The following SEL1L3 variants were observed in gnomAD, a reference collection of about 807,000 sequenced individuals.
SEL1L3 encodes the protein SEL1L family member 3, also known as protein sel-1 homolog 3.
In SEL1L3, 76 loss-of-function variants were observed where a neutral mutation model predicts 142.8. That is an observed-to-expected ratio of 0.53 (90% CI 0.44 to 0.64). The LOEUF (loss-of-function observed/expected upper bound fraction) is 0.64. SEL1L3 is among the 30% of genes least tolerant of loss of function. The pLI is 0.00. For missense variants in SEL1L3, 1,262 were observed against 1,381.7 expected (o/e 0.91, Z 1.37); for synonymous variants, 504 against 519.6 (o/e 0.97, Z 0.41).
intron 6 of SEL1L3, among the ~76,000 whole-genome samples, chr4:25,823,997 C>A (rs771234331): frequency 2.0e-5 from 3 of 152,166 alleles, no homozygotes; most frequent in South Asian, 2.1e-4. Flanking sequence ...CAACATCGAA[C>A]GTCTAGAGAT....
chr4:25,718,227 A>C, the SEL1L3 span: 2 of 152,206 alleles, frequency 1.3e-5, no homozygotes, highest in Non-Finnish European at 2.9e-5. Flanking sequence ...CTTGATTAGC[A>C]TATACAGGGA....
At position 25,783,501 on chromosome 4, in the gene SEL1L3, A is replaced by G. The variant is rs75469885; in HGVS notation, c.2280+727T>C. Among the ~76,000 whole-genome samples the G allele has an allele frequency of 8.7e-3, 1,319 of 152,362 alleles. 20 individuals carry two copies. The highest frequency in any genetic ancestry group is 0.03 in the African/African-American group (1,267 of 41,586). The stretch of plus-strand genomic sequence containing the variant: ...ACATCCAGCTGCCAAAAGGGCTACA[A>G]GGTGCCTTGTCTAGGTGTAGATTTA... On this transcript the variant is annotated intron_variant, in intron 14 of 23. Coordinates refer to ENST00000399878, the MANE Select transcript of SEL1L3 (RefSeq NM_015187.5).
At chr4:25,759,724 G>A (rs1182852506) in intron 20 of SEL1L3, 2 of 152,258 alleles carry the variant, frequency 1.3e-5, no homozygotes, top group Non-Finnish European at 2.9e-5. Context: ...CACAGTTAGA[G>A]GGCCCGACCA....
At chr4:25,829,517 T>C (rs1420235812) in intron 6 of SEL1L3, among the ~76,000 whole-genome samples, 1 of 152,202 alleles carries the variant, frequency 6.6e-6, no homozygotes, top group East Asian at 1.9e-4. Context: ...CCCATGGTTC[T>C]GACACTATAA....
the SEL1L3 span, among the ~76,000 whole-genome samples, chr4:25,729,625 A>G: frequency 6.6e-6 from 1 of 152,192 alleles, no homozygotes; most frequent in East Asian, 1.9e-4. Flanking sequence ...GAGGCAGGAG[A>G]ATCGCTGGAA....
Position 25,802,384 on chromosome 4 carries a change from C to A in SEL1L3, c.1855G>T (p.Gly619Cys). 2 of 1,613,810 alleles carry A rather than the reference C, an allele frequency of 1.2e-6. No individual in the cohort carries two copies. The highest frequency in any genetic ancestry group is 1.7e-6 in the Non-Finnish European group (2 of 1,179,818). Residue 619 changes from glycine to cysteine, a missense_variant, in exon 11 of 24, where the codon GGT (glycine) becomes TGT (cysteine). Transcript: ENST00000399878. ...SMNLGYKHYQGIDNYPLDWEL... is the reference protein window; with the variant it reads ...SMNLGYKHYQCIDNYPLDWEL... ...CAGTCCAGGGGGTAGTTGTCAATAC[C>A]CTGGTAGTGTTTATACCCAAGATTC...
intron 1 of SEL1L3, among the ~76,000 whole-genome samples, chr4:25,860,809 A>G (rs1287587777): frequency 6.6e-6 from 1 of 152,180 alleles, no homozygotes; most frequent in Non-Finnish European, 1.5e-5. Flanking sequence ...TCCACATCAC[A>G]GTATTTTCTA....
intron 9 of SEL1L3, among the ~76,000 whole-genome samples, chr4:25,805,347 T>G (rs890474011): frequency 6.6e-6 from 1 of 152,180 alleles, no homozygotes; most frequent in Non-Finnish European, 1.5e-5. Flanking sequence ...TCGGTACTAT[T>G]TTCAGCATCC....
At chr4:25,816,785 G>A (rs921505216) in intron 9 of SEL1L3, among the ~76,000 whole-genome samples, 2 of 152,110 alleles carry the variant, frequency 1.3e-5, no homozygotes, top group African/African-American at 4.8e-5. Flanking sequence ...CATTGTCACA[G>A]CACCATCATG....
intron 11 of SEL1L3, among the ~76,000 whole-genome samples, chr4:25,791,837 T>TTC (rs1305936994): frequency 6.6e-6 from 1 of 151,420 alleles, no homozygotes; most frequent in African/African-American, 2.4e-5. Context: ...CGCTTGAACC[T>TTC]GGGAGGCAGA....
intron 3 of SEL1L3, among the ~76,000 whole-genome samples, chr4:25,834,093 A>T (rs927965884): frequency 2.0e-5 from 3 of 152,256 alleles, no homozygotes; most frequent in African/African-American, 7.2e-5. Context: ...TGCTATTTTC[A>T]TGCTCAGATT....
chr4:25,744,346 G>GTTTTTTTTT (rs1560268280), downstream of SEL1L3, among the ~76,000 whole-genome samples: 7 of 66,830 alleles, frequency 1.0e-4, no homozygotes, highest in African/African-American at 1.8e-4. Flanking sequence ...ATATGTGTGA[G>GTTTTTTTTT]TCTTTTTTTT....
intron 2 of SEL1L3, among the ~76,000 whole-genome samples, chr4:25,836,335 A>T (rs1161024087): frequency 6.6e-6 from 1 of 152,076 alleles, no homozygotes. Flanking sequence ...AATCCACTTA[A>T]CTCAACCTAG....
intron 2 of SEL1L3, among the ~76,000 whole-genome samples, chr4:25,846,420 T>G (rs1389545441): frequency 6.6e-6 from 1 of 152,202 alleles, no homozygotes; most frequent in Non-Finnish European, 1.5e-5. Flanking sequence ...AGCACTGCTC[T>G]GAAGGAACTG....
intron 11 of SEL1L3, among the ~76,000 whole-genome samples, chr4:25,792,245 C>T (rs540517420): frequency 1.3e-5 from 2 of 152,216 alleles, no homozygotes; most frequent in South Asian, 4.2e-4. Flanking sequence ...AAGCTTCGAT[C>T]CAGGTATCAC....
chr4:25,803,861 C>G (rs1466929881), intron 10 of SEL1L3, among the ~76,000 whole-genome samples: 1 of 151,964 alleles, frequency 6.6e-6, no homozygotes, highest in Non-Finnish European at 1.5e-5. Context: ...GATTCTCAGG[C>G]CTTCAGGCTT....
chr4:25,729,812 C>G, the SEL1L3 span, among the ~76,000 whole-genome samples: 1 of 152,204 alleles, frequency 6.6e-6, no homozygotes, highest in Admixed American at 6.5e-5. Context: ...CAGTATCAAT[C>G]GGAGGCTCCA....
At chr4:25,772,081 C>T (rs553209880) in intron 17 of SEL1L3, among the ~76,000 whole-genome samples, 2 of 152,164 alleles carry the variant, frequency 1.3e-5, no homozygotes, top group Non-Finnish European at 2.9e-5. Flanking sequence ...TGATTTAGTT[C>T]TATTACAGCA....
Position 25,802,410 on chromosome 4 carries a change from A to T in SEL1L3, c.1829T>A (p.Met610Lys). 6.2e-7 allele frequency: 1 copy of T among 1,613,902 alleles called. No homozygotes were observed. The highest frequency in any genetic ancestry group is 8.5e-7 in the Non-Finnish European group (1 of 1,179,840). Reference protein sequence around the residue: ...GGQGSERLSSMNLGYKHYQGI... With the variant: ...GGQGSERLSSKNLGYKHYQGI... ...CTGGTAGTGTTTATACCCAAGATTC[A>T]TTGAAGACAGCCTCTCACTCCCCTG... Residue 610 changes from methionine to lysine, a missense_variant, in exon 11 of 24, where the codon ATG (methionine) becomes AAG (lysine). Met to Lys is a moderately conservative substitution (Grantham distance 95). Coordinates refer to ENST00000399878, the MANE Select transcript of SEL1L3 (RefSeq NM_015187.5).
Sources: allele counts gnomAD v4.1 joint callset (sites outside exome capture counted in the v4.1 genomes callset), GRCh38; gene constraint gnomAD v4.1.1; transcripts MANE v1.5; gene names NCBI Gene and HGNC (gene_info 2026-07-23, HGNC 2026-07-21).